Variants in ITPR2 observed in about 807,000 individuals in gnomAD.
The protein encoded by ITPR2 is inositol 1,4,5-trisphosphate receptor type 2.
A neutral mutation model predicts 317.1 loss-of-function variants in ITPR2; 207 were observed. The observed-to-expected ratio is 0.65, with a 90% CI of 0.58 to 0.73. The LOEUF (loss-of-function observed/expected upper bound fraction) is 0.73. Ranked by LOEUF, ITPR2 falls within the 30% of genes least tolerant of loss-of-function variation. ITPR2 has a pLI of 0.00. For synonymous variants in ITPR2, 1,156 were observed against 1,149.1 expected (o/e 1.01, Z -0.12); for missense variants, 2,613 against 3,284.0 (o/e 0.80, Z 4.99).
chr12:26,735,723 T>C (rs140407606), intron 2 of ITPR2, among the ~76,000 whole-genome samples: 6 of 152,352 alleles, frequency 3.9e-5, no homozygotes, highest in African/African-American at 1.4e-4. Flanking sequence ...TAGGGTTAAA[T>C]GAACTTCAAA....
intron 55 of ITPR2, among the ~76,000 whole-genome samples, chr12:26,374,342 T>C (rs767197080): frequency 6.6e-6 from 1 of 152,238 alleles, no homozygotes; most frequent in Non-Finnish European, 1.5e-5. Context: ...AACAGGTAAC[T>C]GTGCAACAGG....
At chr12:26,461,662 A>C (rs1942028033) in intron 45 of ITPR2, among the ~76,000 whole-genome samples, 1 of 112,068 alleles carries the variant, frequency 8.9e-6, no homozygotes, top group Admixed American at 9.8e-5. Flanking sequence ...ATATATATAT[A>C]TATATATATG....
chr12:26,476,425 T>C (rs1942418194), intron 44 of ITPR2, among the ~76,000 whole-genome samples: 1 of 152,226 alleles, frequency 6.6e-6, no homozygotes, highest in African/African-American at 2.4e-5. Context: ...ACACTAATGA[T>C]CTCTGTGGAA....
intron 37 of ITPR2, among the ~76,000 whole-genome samples, chr12:26,503,174 C>A (rs1943110944): frequency 7.5e-6 from 1 of 132,630 alleles, no homozygotes; most frequent in Non-Finnish European, 1.6e-5. Context: ...GGGTAGAAGA[C>A]CCACTGCCCC....
chr12:26,475,233 C>T, intron 45 of ITPR2, 63 bp downstream of exon 45: 1 of 1,572,654 alleles, frequency 6.4e-7, no homozygotes, highest in Non-Finnish European at 8.7e-7. Flanking sequence ...ATATGACAAG[C>T]CATGGATACA....
chr12:26,434,527 T>G (rs1226289838), intron 48 of ITPR2, among the ~76,000 whole-genome samples: 1 of 152,184 alleles, frequency 6.6e-6, no homozygotes, highest in Non-Finnish European at 1.5e-5. Flanking sequence ...AGAGCCTACA[T>G]ACATTGGCTC....
At chr12:26,431,530 G>A (rs1278633792) in intron 48 of ITPR2, among the ~76,000 whole-genome samples, 5 of 152,092 alleles carry the variant, frequency 3.3e-5, no homozygotes, top group Non-Finnish European at 5.9e-5. Flanking sequence ...CAACCAAAAC[G>A]TTTAGCCATA....
At chr12:26,767,942 C>T (rs1592109243) in intron 2 of ITPR2, among the ~76,000 whole-genome samples, 1 of 152,182 alleles carries the variant, frequency 6.6e-6, no homozygotes, top group African/African-American at 2.4e-5. Flanking sequence ...TGTGGGTCCT[C>T]AGAAAGCTCA....
intron 34 of ITPR2, among the ~76,000 whole-genome samples, chr12:26,562,372 TC>T (rs557764754): frequency 4.8e-4 from 73 of 152,286 alleles, no homozygotes; most frequent in African/African-American, 1.6e-3. Context: ...TGATGAAACA[TC>T]TGAGAATAGA....
At chr12:26,474,815 A>AAT (rs71069241) in intron 45 of ITPR2, among the ~76,000 whole-genome samples, 1 of 147,802 alleles carries the variant, frequency 6.8e-6, no homozygotes, top group Non-Finnish European at 1.5e-5. Context: ...AAAAAAAAAA[A>AAT]GAATTTAAAG....
chr12:26,415,364 A>C lies in ITPR2; in HGVS notation c.7245T>G (p.Leu2415=). 6.2e-7 allele frequency: 1 copy of C among 1,612,644 alleles called. No individual in the cohort carries two copies. Among genetic ancestry groups the C allele is most frequent in the East Asian group, 2.2e-5 (1 of 44,848 alleles). ...CCATAGTGAAGTCATCCTTCAAAAAAAGGAACCCAATAATGGAAAACAGGT... is the reference window on the plus strand; with the variant it reads ...CCATAGTGAAGTCATCCTTCAAAAACAGGAACCCAATAATGGAAAACAGGT... ...LVYLFSIIGF[L]FLKDDFTMEV... The change falls in exon 51 of 57, where the codon CTT becomes CTG. Residue 2415 remains leucine (L), a synonymous_variant. Coordinates refer to ENST00000381340, the MANE Select transcript of ITPR2 (RefSeq NM_002223.4).
At position 26,484,000 on chromosome 12, in the gene ITPR2, G is replaced by A; in HGVS notation, c.5812-102C>T. 3.0e-6 allele frequency: 3 copies of A among 1,011,492 alleles called. No individual in the cohort carries two copies. The Admixed American group carries it at 7.0e-5, about 24-fold the overall frequency. The allele number at this position is 1,011,492 out of a possible 1,614,324, so 62.7% of individuals were successfully genotyped here. A position where few individuals can be genotyped will look rare whatever the true frequency, so the allele number is the denominator to read the frequency against. On this transcript the variant is annotated intron_variant, in intron 41 of 56. Transcript: ENST00000381340. The stretch of plus-strand genomic sequence containing the variant: ...GTGCTTTTCTAACTTTTCTTTGTAA[G>A]AAAAGTATTCGCATTTATTAAAACT...
chr12:26,732,087 T>C (rs957940232), intron 2 of ITPR2, among the ~76,000 whole-genome samples: 4 of 152,218 alleles, frequency 2.6e-5, no homozygotes, highest in Non-Finnish European at 5.9e-5. Flanking sequence ...TCCTCTAGAA[T>C]GCTATGAAGG....
intron 26 of ITPR2, among the ~76,000 whole-genome samples, chr12:26,604,850 C>T (rs1946085605): frequency 6.6e-6 from 1 of 152,158 alleles, no homozygotes; most frequent in East Asian, 1.9e-4. Context: ...AATCCCGGCA[C>T]TTTGGGAGGC....
chr12:26,613,016 A>G (rs1159149894), intron 26 of ITPR2, among the ~76,000 whole-genome samples: 2 of 152,116 alleles, frequency 1.3e-5, no homozygotes, highest in East Asian at 3.8e-4. Flanking sequence ...TATTTAATCA[A>G]CTACTTTGTC....
chr12:26,426,954 T>C (rs2136701008), intron 49 of ITPR2, among the ~76,000 whole-genome samples: 1 of 151,932 alleles, frequency 6.6e-6, no homozygotes, highest in South Asian at 2.1e-4. Context: ...CAAGCCCCTG[T>C]AAATATATAA....
chr12:26,784,363 C>G (rs61920582), intron 2 of ITPR2, among the ~76,000 whole-genome samples: 1 of 66,830 alleles, frequency 1.5e-5, no homozygotes, highest in African/African-American at 4.3e-5. Flanking sequence ...CTCCCTCTCC[C>G]TCCACGGTCT....
At chr12:26,619,678 G>A (rs1946451644) in intron 26 of ITPR2, among the ~76,000 whole-genome samples, 1 of 152,078 alleles carries the variant, frequency 6.6e-6, no homozygotes, top group South Asian at 2.1e-4. Context: ...TCAAAACTAA[G>A]CCAGCTGATC....
At chr12:26,630,302 G>A (rs1427015620) in intron 22 of ITPR2, among the ~76,000 whole-genome samples, 2 of 151,834 alleles carry the variant, frequency 1.3e-5, no homozygotes, top group African/African-American at 2.4e-5. Context: ...GGAAAAACAA[G>A]TGGAAAGTAG....
Sources: allele counts gnomAD v4.1 joint callset (sites outside exome capture counted in the v4.1 genomes callset), GRCh38; gene constraint gnomAD v4.1.1; transcripts MANE v1.5; gene names NCBI Gene and HGNC (gene_info 2026-07-23, HGNC 2026-07-21).